Variants in PSG7 observed in about 807,000 individuals in gnomAD.
The protein encoded by PSG7 is pregnancy-specific beta-1-glycoprotein 7.
In PSG7, 57 loss-of-function variants were observed where a neutral mutation model predicts 45.6. The ratio of observed to expected loss-of-function variants is 1.25; its 90% CI spans 1.01 to 1.56. PSG7 has a LOEUF of 1.56. Ranked by LOEUF, PSG7 falls within the 40% of genes most tolerant of loss-of-function variation. The pLI, the probability that PSG7 is intolerant of heterozygous loss-of-function variation, is 0.00. For synonymous variants in PSG7, 298 were observed against 194.4 expected (o/e 1.53, Z -4.43); for missense variants, 796 against 508.4 (o/e 1.57, Z -5.44).
chr19:42,926,359 G>C lies in PSG7; in HGVS notation c.988+79C>G, dbSNP rs1318443207. ...TATACTTGGACCGGAGAGAGACTGA[G>C]AGGACTGGCCTCTGGTCGTTTGGAG... On this transcript the variant is annotated intron_variant, in intron 4 of 5. Transcript: ENST00000406070. The C allele has an allele frequency of 1.1e-5, 17 of 1,586,090 alleles. No homozygotes were observed. In the East Asian group the frequency reaches 3.8e-4, roughly 36 times the overall value.
chr19:42,933,299 A>T (rs1329830025), intron 2 of PSG7, among the ~76,000 whole-genome samples: 1,704 of 14,550 alleles, frequency 0.12, 231 homozygotes, highest in African/African-American at 0.29. Context: ...ATATATATAT[A>T]TATATATATT....
intron 2 of PSG7, among the ~76,000 whole-genome samples, chr19:42,934,732 C>G (rs1276662418): frequency 6.6e-6 from 1 of 151,576 alleles, no homozygotes; most frequent in Admixed American, 6.6e-5. Context: ...GGATATTAGA[C>G]TTTCTATGGA....
intron 1 of PSG7, 103 bp from the exon 2 acceptor site, chr19:42,935,872 AGACAC>A: frequency 8.1e-7 from 1 of 1,236,348 alleles, no homozygotes; most frequent in Non-Finnish European, 1.1e-6. Flanking sequence ...TCAGCCTTGA[AGACAC>A]ACACACACAC....
At chr19:42,935,810 G>A (rs573223237) in intron 1 of PSG7, 41 bp from the exon 2 acceptor site, 3 of 1,570,210 alleles carry the variant, frequency 1.9e-6, no homozygotes, top group East Asian at 2.3e-5. Context: ...TGAGACCTAT[G>A]TGTTGGGTTG....
At chr19:42,930,327 C>T (rs1379721536) in intron 2 of PSG7, among the ~76,000 whole-genome samples, 2 of 151,496 alleles carry the variant, frequency 1.3e-5, no homozygotes, top group African/African-American at 2.4e-5. Context: ...CCAGGTGTCT[C>T]ATAGTGACTG....
rs1973066511 is a variant in PSG7 at position 42,933,288 on chromosome 19, TATATATATA to T, written c.430+2107_430+2115del. ...TTCAATATATATATATATATATATATATATATATATATATATATATTTTTTTTTTTTTTT... is the reference window on the plus strand; with the variant it reads ...TTCAATATATATATATATATATATATTATATATATATTTTTTTTTTTTTTT... On this transcript the variant is annotated intron_variant, in intron 2 of 5. Coordinates refer to ENST00000406070, the MANE Select transcript of PSG7 (RefSeq NM_002783.3). Among the ~76,000 whole-genome samples, 17 of 11,970 alleles carry T rather than the reference TATATATATA, an allele frequency of 1.4e-3. 1 individual carries two copies. Among genetic ancestry groups the T allele is most frequent in the African/African-American group, 3.2e-3 (17 of 5,384 alleles). The allele number at this position is 11,970 out of a possible 152,430, so 7.9% of individuals were successfully genotyped here.
At position 42,925,846 on chromosome 19, in the gene PSG7, C is replaced by A; in HGVS notation, c.1170G>T (p.Gly390=). Residue 390 remains glycine (G), a synonymous_variant, in exon 5 of 6, where the codon GGG becomes GGT. Transcript: ENST00000406070. ...SIPQITTKHS[G]LYACSVRNSA... ...AGTTACGAACAGAGCAAGCATAGAGCCCGCTATGCTTTGTAGTAATCTGGG... is the reference window on the plus strand; with the variant it reads ...AGTTACGAACAGAGCAAGCATAGAGACCGCTATGCTTTGTAGTAATCTGGG... The A allele has an allele frequency of 6.2e-6, 10 of 1,612,000 alleles. No homozygotes were observed. The highest frequency in any genetic ancestry group is 7.6e-6 in the Non-Finnish European group (9 of 1,179,022).
chr19:42,935,144 C>T (rs561296669), intron 2 of PSG7, among the ~76,000 whole-genome samples: 6 of 152,016 alleles, frequency 3.9e-5, no homozygotes, highest in African/African-American at 1.4e-4. Context: ...TTGGCTGAGA[C>T]TGATCTCCTC....
intron 1 of PSG7, chr19:42,936,049 C>T: frequency 1.8e-6 from 1 of 547,172 alleles, no homozygotes. Flanking sequence ...TTGGAATCCT[C>T]TTCCCCAGGG....
rs766224410 is a variant in PSG7 at position 42,926,523 on chromosome 19, C to T, written c.903G>A (p.Thr301=). 8.1e-6 allele frequency: 13 copies of T among 1,610,986 alleles called. No individual in the cohort carries two copies. Among genetic ancestry groups the T allele is most frequent in the South Asian group, 1.1e-5 (1 of 90,546 alleles). The change falls in exon 4 of 6, where the codon ACG becomes ACA. Residue 301 remains threonine (T), a synonymous_variant. Transcript: ENST00000406070. ...ATTGATAGGGTCCTGTTTCATTTCT[C>T]GTGACACTGGGTAGAATGAGGATCC... ...ENRILILPSV[T]RNETGPYQCE...
At chr19:42,936,945 C>T in intron 1 of PSG7, 68 bp downstream of exon 1, 43 of 1,593,636 alleles carry the variant, frequency 2.7e-5, no homozygotes, top group Non-Finnish European at 3.7e-5. Context: ...ACCCCATCCT[C>T]TCTAGGAGAC....
rs1328176051 is a variant in PSG7 at position 42,933,284 on chromosome 19, TATATATATATATATATATA to T, written c.430+2101_430+2119del. On this transcript the variant is annotated intron_variant, in intron 2 of 5. Coordinates refer to ENST00000406070, the MANE Select transcript of PSG7 (RefSeq NM_002783.3). The stretch of plus-strand genomic sequence containing the variant: ...CCATTTCAATATATATATATATATA[TATATATATATATATATATA>T]TATATTTTTTTTTTTTTTTGGTGTA... Among the ~76,000 whole-genome samples the T allele has an allele frequency of 1.6e-3, 13 of 8,354 alleles. 2 individuals carry two copies. The highest frequency in any genetic ancestry group is 3.9e-3 in the Non-Finnish European group (13 of 3,292). The allele number at this position is 8,354 out of a possible 152,430, so 5.5% of individuals were successfully genotyped here.
At chr19:42,925,468 C>T in intron 5 of PSG7, 1 of 726,376 alleles carries the variant, frequency 1.4e-6, no homozygotes, top group Non-Finnish European at 2.0e-6. Context: ...AAACTATCCA[C>T]ATAAAGAATC....
chr19:42,926,850 T>C lies in PSG7; in HGVS notation c.710-134A>G, dbSNP rs569682956. 4.1e-6 allele frequency: 6 copies of C among 1,455,168 alleles called. No individual in the cohort carries two copies. In the South Asian group the frequency reaches 6.7e-5, roughly 16 times the overall value. The allele number at this position is 1,455,168 out of a possible 1,614,324, so 90.1% of individuals were successfully genotyped here. Reference sequence around the variant, plus strand: ...TGAAAGCCAATAGCTGGTGTGTGTGTCACAAGGTAGATGCATGATGATCTA... The same window carrying C: ...TGAAAGCCAATAGCTGGTGTGTGTGCCACAAGGTAGATGCATGATGATCTA... On this transcript the variant is annotated intron_variant, in intron 3 of 5. Coordinates refer to ENST00000406070, the MANE Select transcript of PSG7 (RefSeq NM_002783.3).
intron 2 of PSG7, among the ~76,000 whole-genome samples, chr19:42,932,330 T>G (rs1973039345): frequency 2.0e-5 from 3 of 151,532 alleles, no homozygotes; most frequent in Admixed American, 6.6e-5. Flanking sequence ...CTCTGAGGGA[T>G]TTTAACGAGT....
chr19:42,933,293 ATATATATATATATAT>A lies in PSG7; in HGVS notation c.430+2096_430+2110del, dbSNP rs1319882819. On this transcript the variant is annotated intron_variant, in intron 2 of 5. Coordinates refer to ENST00000406070, the MANE Select transcript of PSG7 (RefSeq NM_002783.3). ...TATATATATATATATATATATATAT[ATATATATATATATAT>A]TTTTTTTTTTTTTTGGTGTATGTAT... 1.6e-3 allele frequency among the ~76,000 whole-genome samples: 17 copies of A among 10,540 alleles called. 2 individuals are homozygous for A. The highest frequency in any genetic ancestry group is 0.01 in the South Asian group (2 of 194). The allele number at this position is 10,540 out of a possible 152,430, so 6.9% of individuals were successfully genotyped here.
chr19:42,936,740 C>G lies in PSG7; in HGVS notation c.64+273G>C, dbSNP rs540553157. 3.3e-5 allele frequency among the ~76,000 whole-genome samples: 5 copies of G among 151,188 alleles called. 1 individual carries two copies. The highest frequency in any genetic ancestry group is 1.2e-4 in the African/African-American group (5 of 41,080). ...TCGGCTAGCTGCAACTTCTGCCTCC[C>G]GGGTTCATGTGATTCTCCTGCCTCA... is the stretch of plus-strand genomic sequence containing the variant. On this transcript the variant is annotated intron_variant, in intron 1 of 5. Transcript: ENST00000406070.
intron 2 of PSG7, among the ~76,000 whole-genome samples, chr19:42,933,968 G>T (rs1175021621): frequency 1.3e-5 from 2 of 151,478 alleles, no homozygotes; most frequent in African/African-American, 4.9e-5. Flanking sequence ...CTGGGATTCT[G>T]CATCCAAGAT....
chr19:42,937,183 C>G lies in PSG7; in HGVS notation c.-107G>C, dbSNP rs756570752. ...TGTCCTTCCTCCTTCTGCACTGAGC[C>G]TCTTCCCGGGGCAGGAGCACTTCTC... On this transcript the variant is annotated 5_prime_UTR_variant, in exon 1 of 6. Coordinates refer to ENST00000406070, the MANE Select transcript of PSG7 (RefSeq NM_002783.3). 6.8e-7 allele frequency: 1 copy of G among 1,476,966 alleles called. No homozygotes were observed. The highest frequency in any genetic ancestry group is 9.2e-7 in the Non-Finnish European group (1 of 1,086,390). The allele number at this position is 1,476,966 out of a possible 1,614,324, so 91.5% of individuals were successfully genotyped here. A position where few individuals can be genotyped will look rare whatever the true frequency, so the allele number is the denominator to read the frequency against.
Sources: allele counts gnomAD v4.1 joint callset (sites outside exome capture counted in the v4.1 genomes callset), GRCh38; gene constraint gnomAD v4.1.1; transcripts MANE v1.5; gene names NCBI Gene and HGNC (gene_info 2026-07-23, HGNC 2026-07-21).